L3MBTL4: variants seen among roughly 807,000 people sequenced by gnomAD.
L3MBTL4 encodes L3MBTL histone methyl-lysine binding protein 4.
Under a neutral mutation model 84.5 loss-of-function variants are expected in L3MBTL4, and 70 were observed. That is an observed-to-expected ratio of 0.83 (90% CI 0.68 to 1.01). The LOEUF is 1.01. L3MBTL4 is among the 50% of genes least tolerant of loss of function. The probability of loss-of-function intolerance (pLI) is 0.00; values close to 1 mark genes in which losing one functional copy is unlikely to be tolerated. For synonymous variants in L3MBTL4, 274 were observed against 259.8 expected (o/e 1.05, Z -0.52); for missense variants, 715 against 754.8 (o/e 0.95, Z 0.62).
intron 17 of L3MBTL4, among the ~76,000 whole-genome samples, chr18:5,962,284 G>A (rs1339595688): frequency 1.3e-5 from 2 of 152,276 alleles, no homozygotes; most frequent in East Asian, 1.9e-4. Flanking sequence ...GTTCACTGTT[G>A]GATTCATAGT....
At chr18:5,976,570 G>A (rs1421835592) in intron 16 of L3MBTL4, among the ~76,000 whole-genome samples, 1 of 152,170 alleles carries the variant, frequency 6.6e-6, no homozygotes, top group Admixed American at 6.5e-5. Context: ...AATAACAGAA[G>A]GCGTGAAGAC....
At chr18:6,035,361 A>C (rs1383232214) in intron 16 of L3MBTL4, among the ~76,000 whole-genome samples, 1 of 152,182 alleles carries the variant, frequency 6.6e-6, no homozygotes, top group East Asian at 1.9e-4. Flanking sequence ...TCAGCTTTGT[A>C]CATATGGCTA....
intron 16 of L3MBTL4, among the ~76,000 whole-genome samples, chr18:6,014,775 CTT>C (rs2077362733): frequency 6.6e-6 from 1 of 152,048 alleles, no homozygotes; most frequent in Admixed American, 6.5e-5. Context: ...ATTGGGGAAA[CTT>C]TGGCGAGCTT....
intron 12 of L3MBTL4, among the ~76,000 whole-genome samples, chr18:6,206,571 C>A (rs1054180838): frequency 3.9e-5 from 6 of 152,096 alleles, no homozygotes; most frequent in African/African-American, 1.4e-4. Flanking sequence ...TAGTGCTGCT[C>A]GGCCCGTGTT....
intron 16 of L3MBTL4, chr18:6,031,687 C>T (rs1472968834): frequency 2.0e-6 from 2 of 985,128 alleles, no homozygotes; most frequent in Admixed American, 6.1e-5. Context: ...GCAGGTCAGC[C>T]CCAGCACGGC....
At chr18:6,259,585 T>G (rs137992776) in intron 5 of L3MBTL4, 84 of 152,276 alleles carry the variant, frequency 5.5e-4, no homozygotes, top group Admixed American at 1.8e-3. Context: ...TTTCTTCTCC[T>G]TTCTCCTTCT....
chr18:6,185,974 A>G (rs972847729), intron 12 of L3MBTL4, among the ~76,000 whole-genome samples: 3 of 145,574 alleles, frequency 2.1e-5, no homozygotes, highest in Non-Finnish European at 4.4e-5. Flanking sequence ...ATTTTATTTT[A>G]TTTTATTTTA....
chr18:6,033,329 C>A (rs34333519), intron 16 of L3MBTL4, among the ~76,000 whole-genome samples: 2,778 of 152,204 alleles, frequency 0.018, 27 homozygotes, highest in Non-Finnish European at 0.028. Context: ...AATGCCTTTT[C>A]CATCTTTTTA....
intron 4 of L3MBTL4, among the ~76,000 whole-genome samples, chr18:6,289,082 T>C (rs1328934538): frequency 6.6e-6 from 1 of 151,974 alleles, no homozygotes; most frequent in Non-Finnish European, 1.5e-5. Flanking sequence ...TAAGATAAAA[T>C]GATTGGTTGT....
At chr18:6,031,647 C>A (rs2055806574) in intron 16 of L3MBTL4, 2 of 973,990 alleles carry the variant, frequency 2.1e-6, no homozygotes, top group Non-Finnish European at 2.4e-6. Context: ...ACCAGGGCAG[C>A]TGACTCAGCT....
intron 16 of L3MBTL4, among the ~76,000 whole-genome samples, chr18:6,015,640 C>T (rs936310278): frequency 2.6e-5 from 4 of 152,138 alleles, no homozygotes; most frequent in African/African-American, 9.7e-5. Flanking sequence ...AACTATGGTG[C>T]TTGAGGGGAG....
intron 17 of L3MBTL4, among the ~76,000 whole-genome samples, chr18:5,964,277 A>C (rs1185931044): frequency 6.6e-6 from 1 of 152,230 alleles, no homozygotes; most frequent in Non-Finnish European, 1.5e-5. Flanking sequence ...AGAGGAGCCC[A>C]TCCTGCCAGC....
intron 17 of L3MBTL4, among the ~76,000 whole-genome samples, chr18:5,966,448 G>A (rs996537938): frequency 3.3e-5 from 5 of 152,080 alleles, no homozygotes; most frequent in African/African-American, 4.8e-5. Flanking sequence ...CCTGACACCC[G>A]GCTTCCAGGG....
chr18:6,110,226 A>G (rs1046905432), intron 14 of L3MBTL4, among the ~76,000 whole-genome samples: 3 of 152,200 alleles, frequency 2.0e-5, no homozygotes, highest in Non-Finnish European at 4.4e-5. Context: ...AGTAGAGTGA[A>G]AATATGTTGC....
intron 18 of L3MBTL4, among the ~76,000 whole-genome samples, chr18:5,958,062 GAGAAGAAGAAGAAGAAGAAGAAGAAGA>G (rs563678931): frequency 1.8e-4 from 17 of 93,200 alleles, no homozygotes; most frequent in South Asian, 8.7e-4. Flanking sequence ...GAAGGAGAAG[GAGAAGAAGAAGAAGAAGAAGAAGAAGA>G]AGAAGAAGAA....
At chr18:6,065,642 T>C (rs1009048557) in intron 16 of L3MBTL4, among the ~76,000 whole-genome samples, 3 of 152,104 alleles carry the variant, frequency 2.0e-5, no homozygotes, top group Non-Finnish European at 2.9e-5. Context: ...TGCATAAAAG[T>C]GTTCATAGTA....
At chr18:6,079,241 C>T (rs781635258) in intron 16 of L3MBTL4, among the ~76,000 whole-genome samples, 2 of 152,132 alleles carry the variant, frequency 1.3e-5, no homozygotes, top group African/African-American at 4.8e-5. Context: ...CACAGCCTGC[C>T]AATTTTCATG....
intron 16 of L3MBTL4, chr18:6,032,181 G>T (rs768901871): frequency 8.5e-6 from 3 of 351,966 alleles, no homozygotes; most frequent in South Asian, 1.0e-4. Flanking sequence ...GTTTCACTGC[G>T]TTGGCCAGGA....
intron 4 of L3MBTL4, among the ~76,000 whole-genome samples, chr18:6,292,909 C>T (rs1465418246): frequency 2.2e-5 from 3 of 133,974 alleles, no homozygotes; most frequent in African/African-American, 8.6e-5. Context: ...TGCCATCACT[C>T]ACCAATCAGG....
Sources: allele counts gnomAD v4.1 joint callset (sites outside exome capture counted in the v4.1 genomes callset), GRCh38; gene constraint gnomAD v4.1.1; transcripts MANE v1.5; gene names NCBI Gene and HGNC (gene_info 2026-07-23, HGNC 2026-07-21).